Variants in RPGRIP1L observed in about 807,000 individuals in gnomAD.
RPGRIP1L encodes the protein RPGRIP1 like, also known as protein fantom.
A neutral mutation model predicts 160.4 loss-of-function variants in RPGRIP1L; 131 were observed. That is an observed-to-expected ratio of 0.82 (90% confidence interval 0.71 to 0.94). RPGRIP1L has a LOEUF of 0.94. Among genes scored for constraint, RPGRIP1L ranks in the 40% least tolerant of loss-of-function variants. RPGRIP1L has a pLI of 0.00. For synonymous variants in RPGRIP1L, 510 were observed against 515.8 expected (o/e 0.99, Z 0.15); for missense variants, 1,522 against 1,535.8 (o/e 0.99, Z 0.15).
chr16:53,698,776 G>GC (rs1043225538), intron 2 of RPGRIP1L, among the ~76,000 whole-genome samples: 2 of 149,290 alleles, frequency 1.3e-5, no homozygotes, highest in African/African-American at 2.5e-5. Flanking sequence ...GGGGGGGTCA[G>GC]CCCCCCACCC....
chr16:53,626,005 G>A (rs1459254144), intron 22 of RPGRIP1L, among the ~76,000 whole-genome samples: 1 of 151,954 alleles, frequency 6.6e-6, no homozygotes, highest in African/African-American at 2.4e-5. Context: ...CAAACACTGC[G>A]GAAGGCTGCA....
chr16:53,678,366 A>G (rs1017084530), intron 6 of RPGRIP1L, among the ~76,000 whole-genome samples: 2 of 152,196 alleles, frequency 1.3e-5, no homozygotes, highest in African/African-American at 4.8e-5. Context: ...AGCCTTGAAA[A>G]CACTTGACTC....
In RPGRIP1L at chr16:53,645,694, G is replaced by A. The variant is rs121918203; in HGVS notation, c.2614C>T (p.Gln872Ter). ...ACTTTTCCTATGTAAATATTCTCCT[G>A]GGTATCACTATCATCAAAAACATAA... The part of the protein sequence containing the change: ...SFYVFDDSDT[Q>*]ENIYIGKVNV... Residue 872 changes from glutamine to a stop codon, truncating the protein, a stop_gained, in exon 17 of 27, where the codon CAG (glutamine) becomes TAG (stop). Transcript: ENST00000647211. LOFTEE classifies it high-confidence loss of function. 3.3e-5 allele frequency: 53 copies of A among 1,613,750 alleles called. No individual in the cohort carries two copies. Among genetic ancestry groups the A allele is most frequent in the Non-Finnish European group, 4.1e-5 (48 of 1,179,876 alleles).
intron 22 of RPGRIP1L, among the ~76,000 whole-genome samples, chr16:53,633,184 A>G (rs1358689726): frequency 2.6e-5 from 4 of 152,250 alleles, no homozygotes; most frequent in Non-Finnish European, 5.9e-5. Flanking sequence ...GACAAAAGAA[A>G]AAACTAATGA....
intron 3 of RPGRIP1L, chr16:53,694,604 C>T (rs964949005): frequency 1.3e-5 from 2 of 152,000 alleles, no homozygotes; most frequent in South Asian, 2.1e-4. Context: ...CTCTGCCTCC[C>T]GGGTTCAAGC....
At chr16:53,673,146 T>G in intron 7 of RPGRIP1L, 130 bp from the exon 8 acceptor site, 1 of 868,656 alleles carries the variant, frequency 1.2e-6, no homozygotes, top group Non-Finnish European at 1.8e-6. Flanking sequence ...ATACAGATTA[T>G]TTTTTACATA....
chr16:53,698,594 G>A (rs1455734640), intron 2 of RPGRIP1L, among the ~76,000 whole-genome samples: 3 of 141,128 alleles, frequency 2.1e-5, no homozygotes, highest in East Asian at 2.2e-4. Context: ...GGTGAGGGGC[G>A]CCTCTGCCCG....
chr16:53,703,021 C>G (rs1049471247), intron 1 of RPGRIP1L, among the ~76,000 whole-genome samples: 7 of 152,178 alleles, frequency 4.6e-5, no homozygotes, highest in African/African-American at 1.7e-4. Context: ...GTAATCCCAG[C>G]ACTTTGCGAG....
At chr16:53,661,865 A>G (rs1178992106) in intron 10 of RPGRIP1L, among the ~76,000 whole-genome samples, 1 of 152,202 alleles carries the variant, frequency 6.6e-6, no homozygotes, top group East Asian at 1.9e-4. Flanking sequence ...GTGTGAGAAG[A>G]CATTACTGAG....
In RPGRIP1L at chr16:53,662,541, C is replaced by G. The variant is rs117637610; in HGVS notation, c.1243+2329G>C. On this transcript the variant is annotated intron_variant, in intron 10 of 26. Coordinates refer to ENST00000647211, the MANE Select transcript of RPGRIP1L (RefSeq NM_015272.5). ...ACATGAGAAGGTAAATGTATGAAGA[C>G]ACTTCAAAGTAAAATTAAACAGTTT... Among the ~76,000 whole-genome samples, 1,057 of 152,174 alleles carry G rather than the reference C, an allele frequency of 6.9e-3. 21 individuals carry two copies. Among genetic ancestry groups the G allele is most frequent in the Admixed American group, 0.052 (802 of 15,290 alleles).
At position 53,657,448 on chromosome 16, in the gene RPGRIP1L, A is replaced by G; in HGVS notation, c.1581+5T>C. The stretch of plus-strand genomic sequence containing the variant: ...TTACTTTCCCCATTTAGTGTATTAC[A>G]TTACCTGATAATCTTTATTAATTTT... On this transcript the variant is annotated splice_donor_5th_base_variant and intron_variant, in intron 13 of 26. Transcript: ENST00000647211. 1 of 1,586,392 alleles carries G rather than the reference A, an allele frequency of 6.3e-7. No homozygotes were observed. Among genetic ancestry groups the G allele is most frequent in the South Asian group, 1.1e-5 (1 of 90,272 alleles).
At chr16:53,613,237 C>T (rs1460722080) in intron 24 of RPGRIP1L, among the ~76,000 whole-genome samples, 2 of 151,930 alleles carry the variant, frequency 1.3e-5, no homozygotes, top group Non-Finnish European at 2.9e-5. Flanking sequence ...TATCTGAGTT[C>T]TTGATTTCAA....
At chr16:53,658,737 C>A in intron 11 of RPGRIP1L, 35 bp downstream of exon 11, 1 of 1,390,160 alleles carries the variant, frequency 7.2e-7, no homozygotes, top group Non-Finnish European at 1.0e-6. Flanking sequence ...GATAAAAATT[C>A]TGAGTTTTAT....
chr16:53,693,598 T>A (rs1970535150), intron 3 of RPGRIP1L: 1 of 152,230 alleles, frequency 6.6e-6, no homozygotes, highest in African/African-American at 2.4e-5. Flanking sequence ...GCATGCTTTA[T>A]AAAGGATACA....
intron 16 of RPGRIP1L, among the ~76,000 whole-genome samples, chr16:53,647,300 C>T (rs556134320): frequency 2.0e-5 from 3 of 152,266 alleles, no homozygotes; most frequent in Admixed American, 6.5e-5. Flanking sequence ...AAAAAAGGGA[C>T]TTTAAGGTTA....
intron 22 of RPGRIP1L, among the ~76,000 whole-genome samples, chr16:53,634,621 A>C (rs1347143026): frequency 6.6e-6 from 1 of 152,020 alleles, no homozygotes; most frequent in Non-Finnish European, 1.5e-5. Flanking sequence ...TTGAGAGCTG[A>C]TTGTTATAAA....
rs538811193 is a variant in RPGRIP1L at position 53,691,664 on chromosome 16, AAC to A, written c.529+400_529+401del. On this transcript the variant is annotated intron_variant, in intron 4 of 26. Coordinates refer to ENST00000647211, the MANE Select transcript of RPGRIP1L (RefSeq NM_015272.5). ...ACCGCCATCCAATGAGAAAGATTTCAACACTTTTGCAAATTTCGAAAAGGTCT... is the reference window on the plus strand; with the variant it reads ...ACCGCCATCCAATGAGAAAGATTTCAACTTTTGCAAATTTCGAAAAGGTCT... Among the ~76,000 whole-genome samples the A allele has an allele frequency of 1.5e-4, 23 of 152,364 alleles. No homozygotes were observed. The South Asian group carries it at 4.8e-3, about 32-fold the overall frequency.
chr16:53,614,219 T>C (rs1349413171), intron 24 of RPGRIP1L, among the ~76,000 whole-genome samples: 5 of 152,190 alleles, frequency 3.3e-5, no homozygotes, highest in Non-Finnish European at 7.3e-5. Context: ...CTCCAGCTAC[T>C]TACCAATAAG....
chr16:53,696,897 A>C (rs1970804232), intron 2 of RPGRIP1L, among the ~76,000 whole-genome samples: 2 of 152,178 alleles, frequency 1.3e-5, no homozygotes, highest in Admixed American at 6.5e-5. Context: ...AGACGCTTAA[A>C]TTTGGTATTT....
Sources: allele counts gnomAD v4.1 joint callset (sites outside exome capture counted in the v4.1 genomes callset), GRCh38; gene constraint gnomAD v4.1.1; transcripts MANE v1.5; gene names NCBI Gene and HGNC (gene_info 2026-07-23, HGNC 2026-07-21).